The following EDIL3 variants were observed in gnomAD, a reference collection of about 807,000 sequenced individuals.
EDIL3 encodes EGF like and discoidin domains 3.
In EDIL3, 37 loss-of-function variants were observed where a neutral mutation model predicts 67.4. The observed-to-expected ratio is 0.55, with a 90% confidence interval of 0.42 to 0.72. The LOEUF is 0.72. Ranked by LOEUF, EDIL3 falls within the 30% of genes least tolerant of loss-of-function variation. The pLI, the probability that EDIL3 is intolerant of heterozygous loss-of-function variation, is 0.00. For synonymous variants in EDIL3, 195 were observed against 196.3 expected, an observed-to-expected ratio of 0.99 and a Z score of 0.05; for missense variants, 527 against 586.3, an observed-to-expected ratio of 0.90 and a Z score of 1.04.
chr5:84,317,860 A>G (rs114564290), intron 1 of EDIL3, among the ~76,000 whole-genome samples: 3,466 of 152,274 alleles, frequency 0.023, 66 homozygotes, highest in Non-Finnish European at 0.031. Flanking sequence ...TTAGGAAAAG[A>G]ATAAGTCAAA....
chr5:84,141,790 C>T (rs2112320714), intron 4 of EDIL3, among the ~76,000 whole-genome samples: 1 of 149,140 alleles, frequency 6.7e-6, no homozygotes, highest in South Asian at 2.1e-4. Flanking sequence ...ACCCACATTA[C>T]AGATTTGTAA....
intron 8 of EDIL3, 38 bp from the exon 9 acceptor site, chr5:84,060,522 T>C (rs764723666): frequency 6.2e-7 from 1 of 1,607,930 alleles, no homozygotes; most frequent in Admixed American, 1.7e-5. Context: ...AGAAAAATAA[T>C]TGATCACCTG....
chr5:84,056,122 C>T (rs1712325178), intron 9 of EDIL3, among the ~76,000 whole-genome samples: 1 of 152,048 alleles, frequency 6.6e-6, no homozygotes, highest in African/African-American at 2.4e-5. Context: ...TAGGAATACA[C>T]CATGGAATAC....
intron 9 of EDIL3, among the ~76,000 whole-genome samples, chr5:83,991,144 C>T (rs532721779): frequency 2.6e-5 from 4 of 152,166 alleles, no homozygotes; most frequent in Non-Finnish European, 4.4e-5. Flanking sequence ...ATATTCTTTG[C>T]TTCTTAACTG....
intron 3 of EDIL3, chr5:84,196,827 T>C (rs1743719411): frequency 6.6e-6 from 1 of 152,020 alleles, no homozygotes; most frequent in Non-Finnish European, 1.5e-5. Context: ...TCTTATCCCA[T>C]TGACCTATAA....
chr5:84,209,689 A>G (rs565226787), intron 3 of EDIL3, among the ~76,000 whole-genome samples: 38 of 152,340 alleles, frequency 2.5e-4, no homozygotes, highest in Non-Finnish European at 4.9e-4. Context: ...CAGTAAGGCT[A>G]TTCTCAACTT....
intron 7 of EDIL3, among the ~76,000 whole-genome samples, chr5:84,066,181 T>C (rs1746636774): frequency 6.6e-6 from 1 of 151,734 alleles, no homozygotes; most frequent in Admixed American, 6.6e-5. Context: ...AAATAAAGCT[T>C]AATTGTCATA....
At chr5:84,238,508 A>T (rs1020031296) in intron 2 of EDIL3, among the ~76,000 whole-genome samples, 2 of 151,876 alleles carry the variant, frequency 1.3e-5, no homozygotes, top group Admixed American at 6.6e-5. Flanking sequence ...TGTAGTTTTA[A>T]CTCATCTCAA....
At chr5:84,033,402 T>C (rs17530010) in intron 9 of EDIL3, among the ~76,000 whole-genome samples, 1 of 152,088 alleles carries the variant, frequency 6.6e-6, no homozygotes, top group South Asian at 2.1e-4. Context: ...ACAAGACACA[T>C]AGAATTCAAA....
chr5:84,229,504 TA>T (rs1330232350), intron 3 of EDIL3, among the ~76,000 whole-genome samples: 1 of 152,198 alleles, frequency 6.6e-6, no homozygotes, highest in Non-Finnish European at 1.5e-5. Context: ...TCCTCCTTTT[TA>T]ATCTTAATTT....
intron 1 of EDIL3, among the ~76,000 whole-genome samples, chr5:84,301,591 T>C (rs1247847999): frequency 6.6e-6 from 1 of 152,338 alleles, no homozygotes; most frequent in African/African-American, 2.4e-5. Flanking sequence ...ATCACAATTA[T>C]CTTTATTTTG....
chr5:84,280,259 C>T (rs1745669303), intron 1 of EDIL3, among the ~76,000 whole-genome samples: 1 of 152,100 alleles, frequency 6.6e-6, no homozygotes, highest in South Asian at 2.1e-4. Flanking sequence ...ATCCCCCAGG[C>T]CATGACTGGT....
At chr5:83,972,426 C>T (rs1420250377) in intron 9 of EDIL3, among the ~76,000 whole-genome samples, 1 of 152,074 alleles carries the variant, frequency 6.6e-6, no homozygotes, top group African/African-American at 2.4e-5. Context: ...AAGTTACCAA[C>T]AGGCATCCCA....
intron 4 of EDIL3, among the ~76,000 whole-genome samples, chr5:84,176,295 T>C (rs1463281265): frequency 3.8e-5 from 3 of 78,784 alleles, no homozygotes; most frequent in Non-Finnish European, 5.0e-5. Context: ...ATATATAAAA[T>C]ATATTTCCAT....
intron 9 of EDIL3, among the ~76,000 whole-genome samples, chr5:84,030,302 C>A (rs922782113): frequency 6.6e-6 from 1 of 152,122 alleles, no homozygotes; most frequent in South Asian, 2.1e-4. Flanking sequence ...AACATAAGTT[C>A]TTTAAAAATT....
intron 1 of EDIL3, among the ~76,000 whole-genome samples, chr5:84,260,005 G>A (rs1478730139): frequency 6.6e-6 from 1 of 152,166 alleles, no homozygotes; most frequent in Non-Finnish European, 1.5e-5. Flanking sequence ...GAATCAGGTA[G>A]AAAGGACAGC....
intron 9 of EDIL3, among the ~76,000 whole-genome samples, chr5:84,013,656 G>C (rs1250043757): frequency 6.6e-6 from 1 of 152,112 alleles, no homozygotes; most frequent in African/African-American, 2.4e-5. Flanking sequence ...TAAAGAATGG[G>C]ATATAGCAAT....
intron 5 of EDIL3, among the ~76,000 whole-genome samples, chr5:84,132,527 A>T (rs1347373155): frequency 1.0e-5 from 1 of 97,918 alleles, no homozygotes; most frequent in Non-Finnish European, 1.9e-5. Context: ...TTTAATATAT[A>T]TTATATATTT....
rs1405521970 is a variant in EDIL3 at position 84,177,840 on chromosome 5, G to C, written c.355+2553C>G. Among the ~76,000 whole-genome samples, 8 of 152,182 alleles carry C rather than the reference G, an allele frequency of 5.3e-5. No homozygotes were observed. The East Asian group carries it at 1.5e-3, about 29-fold the overall frequency. ...CAATTTGTCACATATTGATAAAATAGTTGTTAAAATAGACCTATTAACTAT... is the reference window on the plus strand; with the variant it reads ...CAATTTGTCACATATTGATAAAATACTTGTTAAAATAGACCTATTAACTAT... On this transcript the variant is annotated intron_variant, in intron 4 of 10. Coordinates refer to ENST00000296591, the MANE Select transcript of EDIL3 (RefSeq NM_005711.5).
Sources: gnomAD v4.1 joint callset for allele counts (sites outside exome capture counted in the v4.1 genomes callset) on GRCh38, gnomAD v4.1.1 for gene constraint, MANE v1.5 for transcripts, NCBI Gene and HGNC (gene_info 2026-07-23, HGNC 2026-07-21) for gene names.